GRIK4: variants seen among roughly 807,000 people sequenced by gnomAD.
GRIK4 encodes glutamate ionotropic receptor kainate type subunit 4, also known as glutamate receptor ionotropic, kainate 4.
In GRIK4, 40 loss-of-function variants were observed where a neutral mutation model predicts 104.9. The observed-to-expected ratio is 0.38, with a 90% CI of 0.30 to 0.50. GRIK4 has a LOEUF of 0.50. GRIK4 is among the 20% of genes least tolerant of loss of function. The probability of loss-of-function intolerance (pLI) is 0.93; values close to 1 mark genes in which losing one functional copy is unlikely to be tolerated. For synonymous variants in GRIK4, 485 were observed against 524.9 expected, an observed-to-expected ratio of 0.92 and a Z score of 1.04; for missense variants, 1,047 against 1,308.1, an observed-to-expected ratio of 0.80 and a Z score of 3.08.
At chr11:120,890,091 A>G (rs1311549233) in intron 11 of GRIK4, among the ~76,000 whole-genome samples, 1 of 152,194 alleles carries the variant, frequency 6.6e-6, no homozygotes, top group Non-Finnish European at 1.5e-5. Flanking sequence ...GGCCGGCTGC[A>G]TTCCCACCAA....
chr11:120,957,088 C>T, intron 16 of GRIK4, 135 bp downstream of exon 16: 1 of 722,008 alleles, frequency 1.4e-6, no homozygotes, highest in Non-Finnish European at 2.2e-6. Context: ...AAGCCGAGTG[C>T]TTTCTGCCAG....
At chr11:120,735,230 C>T (rs1272636150) in intron 3 of GRIK4, among the ~76,000 whole-genome samples, 13 of 152,034 alleles carry the variant, frequency 8.6e-5, no homozygotes, top group African/African-American at 2.2e-4. Flanking sequence ...GAAGACTTTC[C>T]GGGTATTCAA....
At chr11:120,598,503 A>T (rs748343080) in intron 1 of GRIK4, among the ~76,000 whole-genome samples, 1 of 152,226 alleles carries the variant, frequency 6.6e-6, no homozygotes, top group Admixed American at 6.5e-5. Flanking sequence ...ATGGCACGGT[A>T]TAGTGGTTAA....
At chr11:120,847,950 G>A (rs1953889825) in intron 8 of GRIK4, among the ~76,000 whole-genome samples, 2 of 152,236 alleles carry the variant, frequency 1.3e-5, no homozygotes, top group Admixed American at 6.5e-5. Context: ...CTTCCCTAGG[G>A]CAGGAGCAGG....
chr11:120,643,767 G>A (rs757141431), intron 1 of GRIK4, among the ~76,000 whole-genome samples: 8 of 152,178 alleles, frequency 5.3e-5, no homozygotes, highest in South Asian at 4.1e-4. Context: ...CGAAGTGACC[G>A]TGTGGAAGCA....
intron 1 of GRIK4, among the ~76,000 whole-genome samples, chr11:120,630,800 AG>A (rs1565581438): frequency 6.6e-6 from 1 of 152,242 alleles, no homozygotes; most frequent in African/African-American, 2.4e-5. Context: ...TTCGCTAACC[AG>A]GGTTCTAGAG....
chr11:120,610,641 C>A (rs1008864948), intron 1 of GRIK4, among the ~76,000 whole-genome samples: 2 of 151,978 alleles, frequency 1.3e-5, no homozygotes. Context: ...AGTGGCATGC[C>A]CAGAAGACAG....
chr11:120,792,403 G>A (rs1318004414), intron 3 of GRIK4, among the ~76,000 whole-genome samples: 1 of 151,958 alleles, frequency 6.6e-6, no homozygotes, highest in Non-Finnish European at 1.5e-5. Flanking sequence ...GAGGATGGAA[G>A]CTTTTAAAGC....
intron 3 of GRIK4, among the ~76,000 whole-genome samples, chr11:120,783,974 C>G (rs1327996889): frequency 6.6e-6 from 1 of 152,076 alleles, no homozygotes; most frequent in African/African-American, 2.4e-5. Flanking sequence ...TACGGAGGTC[C>G]CAGCCTCAGG....
chr11:120,655,057 G>T lies in GRIK4; in HGVS notation c.-51+1265G>T, dbSNP rs192924314. Reference sequence around the variant, plus strand: ...TGGGAATTTATTTCATATTGGCCCCGTCTGTTTATTTATTCATTCAGCCGA... The same window carrying T: ...TGGGAATTTATTTCATATTGGCCCCTTCTGTTTATTTATTCATTCAGCCGA... On this transcript the variant is annotated intron_variant, in intron 2 of 20. Coordinates refer to ENST00000527524, the MANE Select transcript of GRIK4 (RefSeq NM_014619.5). Among the ~76,000 whole-genome samples the T allele has an allele frequency of 2.0e-5, 3 of 152,146 alleles. No individual in the cohort carries two copies. The South Asian group carries it at 6.2e-4, about 32-fold the overall frequency.
At chr11:120,833,313 C>T (rs1317842612) in intron 7 of GRIK4, among the ~76,000 whole-genome samples, 6 of 146,056 alleles carry the variant, frequency 4.1e-5, no homozygotes, top group African/African-American at 1.3e-4. Flanking sequence ...CACACACACA[C>T]GGAAACACAA....
intron 13 of GRIK4, among the ~76,000 whole-genome samples, chr11:120,909,081 A>C (rs1181351428): frequency 6.6e-6 from 1 of 152,254 alleles, no homozygotes; most frequent in Non-Finnish European, 1.5e-5. Flanking sequence ...CAGCCAGAGC[A>C]GACACCATGG....
chr11:120,838,299 G>A (rs11218022), intron 8 of GRIK4, among the ~76,000 whole-genome samples: 49,623 of 152,012 alleles, frequency 0.33, 8,946 homozygotes, highest in East Asian at 0.49. Context: ...TAAAAATGGG[G>A]ACATAAAACC....
At chr11:120,730,357 CAAAG>C (rs781089238) in intron 3 of GRIK4, among the ~76,000 whole-genome samples, 3 of 151,896 alleles carry the variant, frequency 2.0e-5, no homozygotes, top group Non-Finnish European at 4.4e-5. Flanking sequence ...GACCCTGTCT[CAAAG>C]AAAGAAAGGA....
rs1942763961 is a variant in GRIK4 at position 120,902,522 on chromosome 11, C to T, written c.1273-2768C>T. On this transcript the variant is annotated intron_variant, in intron 12 of 20. Transcript: ENST00000527524. The surrounding 1 kb of genome is among the most constrained non-coding windows in gnomAD (Gnocchi z 4.5). ...AAGATACAATGGGACATTACCAGTC[C>T]TGAGATGGAAACCCCCAGCCATGCC... Among the ~76,000 whole-genome samples, 1 of 152,164 alleles carries T rather than the reference C, an allele frequency of 6.6e-6. No individual in the cohort carries two copies. Among genetic ancestry groups the T allele is most frequent in the South Asian group, 2.1e-4 (1 of 4,824 alleles).
At chr11:120,933,341 G>A (rs1157003939) in intron 13 of GRIK4, among the ~76,000 whole-genome samples, 2 of 152,194 alleles carry the variant, frequency 1.3e-5, no homozygotes, top group African/African-American at 4.8e-5. Flanking sequence ...TCATTGTCAA[G>A]TTCAGCAGCA....
intron 20 of GRIK4, among the ~76,000 whole-genome samples, chr11:120,985,502 T>G (rs1048840433): frequency 3.3e-5 from 5 of 151,958 alleles, no homozygotes; most frequent in African/African-American, 1.2e-4. Context: ...GAGACTGACA[T>G]GTGGTGGAGG....
intron 1 of GRIK4, among the ~76,000 whole-genome samples, chr11:120,561,937 G>T (rs1158074065): frequency 6.6e-6 from 1 of 152,250 alleles, no homozygotes; most frequent in East Asian, 1.9e-4. Context: ...ATAAGGCAAA[G>T]AATATCCAGG....
At chr11:120,518,197 T>C (rs2251906) in intron 1 of GRIK4, among the ~76,000 whole-genome samples, 6 of 152,264 alleles carry the variant, frequency 3.9e-5, no homozygotes, top group African/African-American at 1.4e-4. Context: ...ATCAGGTACA[T>C]AGGACAAATC....
Sources: gnomAD v4.1 joint callset for allele counts (sites outside exome capture counted in the v4.1 genomes callset) on GRCh38, gnomAD v4.1.1 for gene constraint, Gnocchi (gnomAD v3.1) non-coding constraint, MANE v1.5 for transcripts, NCBI Gene and HGNC (gene_info 2026-07-23, HGNC 2026-07-21) for gene names.